Variants in USP42 observed in about 807,000 individuals in gnomAD.
USP42 encodes the protein ubiquitin specific peptidase 42, also known as ubiquitin carboxyl-terminal hydrolase 42.
In USP42, 23 loss-of-function variants were observed where a neutral mutation model predicts 113.0. The observed-to-expected ratio is 0.20, with a 90% CI of 0.15 to 0.29. The LOEUF (loss-of-function observed/expected upper bound fraction) is 0.29, where lower values mean the gene tolerates loss of function less well. Ranked by LOEUF, USP42 falls within the 10% of genes least tolerant of loss-of-function variation. The probability of loss-of-function intolerance (pLI) is 1.00; values close to 1 mark genes in which losing one functional copy is unlikely to be tolerated. For missense variants in USP42, 2,174 were observed against 1,779.8 expected, an observed-to-expected ratio of 1.22 and a Z score of -3.99; for synonymous variants, 933 against 699.0, an observed-to-expected ratio of 1.33 and a Z score of -5.28.
intron 3 of USP42, among the ~76,000 whole-genome samples, chr7:6,127,205 A>T (rs1780589498): frequency 6.6e-6 from 1 of 152,050 alleles, no homozygotes; most frequent in African/African-American, 2.4e-5. Flanking sequence ...AGTTTTGAGG[A>T]TATGTGGTTT....
Position 6,139,385 on chromosome 7 carries a change from C to CT in USP42, c.656+193dup. On this transcript the variant is annotated intron_variant, in intron 5 of 17. Transcript: ENST00000306177. The surrounding 1 kb of genome is among the most constrained non-coding windows in gnomAD (Gnocchi z 4.5). Reference sequence around the variant, plus strand: ...AAATGGTTGAAATTTACACGTGTGTCTTACGTAACAGTTTGAGTTGGCTCA... The same window carrying CT: ...AAATGGTTGAAATTTACACGTGTGTCTTTACGTAACAGTTTGAGTTGGCTCA... 2.1e-6 allele frequency: 1 copy of CT among 473,136 alleles called. No homozygotes were observed. Among genetic ancestry groups the CT allele is most frequent in the East Asian group, 3.5e-5 (1 of 28,286 alleles). The allele number at this position is 473,136 out of a possible 1,614,324, so 29.3% of individuals were successfully genotyped here.
chr7:6,155,248 G>A, intron 15 of USP42, 53 bp downstream of exon 15: 3 of 1,466,772 alleles, frequency 2.0e-6, no homozygotes, highest in Non-Finnish European at 2.7e-6. Context: ...GTCAGCAGTG[G>A]GGCCTGTCCC....
chr7:6,094,409 G>T, the USP42 span, among the ~76,000 whole-genome samples: 2 of 150,830 alleles, frequency 1.3e-5, no homozygotes, highest in African/African-American at 5.0e-5. Flanking sequence ...AGCCTCAAGC[G>T]ATCTTCCTTC....
At chr7:6,097,735 C>A in the USP42 span, among the ~76,000 whole-genome samples, 1 of 149,614 alleles carries the variant, frequency 6.7e-6, no homozygotes, top group Non-Finnish European at 1.5e-5. Flanking sequence ...TGACTACAGG[C>A]GGCCGCCACC....
intron 12 of USP42, 85 bp downstream of exon 12, chr7:6,147,977 T>C: frequency 7.4e-7 from 1 of 1,349,654 alleles, no homozygotes; most frequent in Non-Finnish European, 1.0e-6. Flanking sequence ...TAGTGGTTGC[T>C]GTGTCCTCAA....
At position 6,158,538 on chromosome 7, in the gene USP42, C is replaced by A. The variant is rs1167459390; in HGVS notation, c.3944-912C>A. ...CATTGTTGATTGAGGGGTAAACGGTCCTTAGAGTGTGTGAGAGAGAGCTGG... is the reference window on the plus strand; with the variant it reads ...CATTGTTGATTGAGGGGTAAACGGTACTTAGAGTGTGTGAGAGAGAGCTGG... On this transcript the variant is annotated intron_variant, in intron 16 of 17. Transcript: ENST00000306177. This position sits in a 1 kb window ranked among gnomAD's most constrained non-coding sequence, Gnocchi z 4.2. Among the ~76,000 whole-genome samples the A allele has an allele frequency of 2.0e-5, 3 of 152,158 alleles. No homozygotes were observed. Among genetic ancestry groups the A allele is most frequent in the Non-Finnish European group, 4.4e-5 (3 of 68,032 alleles).
chr7:6,103,709 TG>T (rs1790211871), upstream of USP42, among the ~76,000 whole-genome samples: 1 of 112,994 alleles, frequency 8.9e-6, no homozygotes, highest in Non-Finnish European at 1.6e-5. Context: ...GAAACCAGCC[TG>T]GGCAACATAG....
chr7:6,087,806 G>A, the USP42 span, among the ~76,000 whole-genome samples: 1 of 150,958 alleles, frequency 6.6e-6, no homozygotes, highest in African/African-American at 2.5e-5. Flanking sequence ...AAGTCCCTCT[G>A]TCCCCAGTCC....
In USP42 at chr7:6,118,825, G is replaced by A. The variant is rs574602791; in HGVS notation, c.442+3302G>A. ...TAGACAGAAGAAAAAAAATCAGTAA[G>A]CCATATCAATACGATCTATTTCTGG... is the stretch of plus-strand genomic sequence containing the variant. On this transcript the variant is annotated intron_variant, in intron 3 of 17. Transcript: ENST00000306177. Among the ~76,000 whole-genome samples the A allele has an allele frequency of 1.5e-4, 23 of 152,218 alleles. No homozygotes were observed. In the Middle Eastern group the frequency reaches 0.01, roughly 68 times the overall value.
upstream of USP42, among the ~76,000 whole-genome samples, chr7:6,103,516 CA>C (rs200050634): frequency 5.6e-4 from 76 of 135,794 alleles, no homozygotes; most frequent in Non-Finnish European, 4.4e-4. Context: ...AACTCCGTCT[CA>C]AAAAAAAAAA....
At chr7:6,100,236 A>C (rs1004731420), upstream of USP42, among the ~76,000 whole-genome samples, 4 of 150,728 alleles carry the variant, frequency 2.7e-5, no homozygotes, top group Non-Finnish European at 5.9e-5. Context: ...CCTTCTACTC[A>C]TATCCAGCCC....
In USP42 at chr7:6,157,956, G is replaced by T. The variant is rs1051975805; in HGVS notation, c.3943+901G>T. 2.6e-5 allele frequency among the ~76,000 whole-genome samples: 4 copies of T among 152,302 alleles called. No individual in the cohort carries two copies. Among genetic ancestry groups the T allele is most frequent in the South Asian group, 2.1e-4 (1 of 4,826 alleles). ...TGGTGTCCGGTGACCGCTCACCCTC[G>T]AGAGGAGCTGTGAGCCTGTTAGAAG... is the stretch of plus-strand genomic sequence containing the variant. On this transcript the variant is annotated intron_variant, in intron 16 of 17. Coordinates refer to ENST00000306177, the MANE Select transcript of USP42 (RefSeq NM_032172.3). The surrounding 1 kb of genome is among the most constrained non-coding windows in gnomAD (Gnocchi z 4.1).
chr7:6,155,384 T>G (rs1184107398), intron 15 of USP42, among the ~76,000 whole-genome samples, 189 bp downstream of exon 15: 2 of 152,234 alleles, frequency 1.3e-5, no homozygotes, highest in Non-Finnish European at 2.9e-5. Context: ...TTGCCCTGCT[T>G]TGAAGCTGTA....
intron 3 of USP42, among the ~76,000 whole-genome samples, chr7:6,131,041 C>T (rs1477983259): frequency 1.3e-5 from 2 of 151,966 alleles, no homozygotes; most frequent in African/African-American, 4.8e-5. Flanking sequence ...AGTTTTGCCT[C>T]CTGGGGTGCA....
chr7:6,153,311 A>C (rs1782182313), intron 14 of USP42, among the ~76,000 whole-genome samples: 1 of 151,960 alleles, frequency 6.6e-6, no homozygotes, highest in Non-Finnish European at 1.5e-5. Context: ...ACAAAAAAAA[A>C]AAATAGAGGA....
At chr7:6,091,980 T>TCTC in the USP42 span, among the ~76,000 whole-genome samples, 333 of 24,752 alleles carry the variant, frequency 0.013, 32 homozygotes, top group African/African-American at 0.039. Flanking sequence ...ACGTATTTTT[T>TCTC]CTTCTTCTTC....
intron 14 of USP42, among the ~76,000 whole-genome samples, chr7:6,152,406 G>T (rs966761513): frequency 1.3e-5 from 2 of 152,234 alleles, no homozygotes; most frequent in Non-Finnish European, 2.9e-5. Flanking sequence ...TGACACACCC[G>T]TAGTTTTTAC....
chr7:6,123,625 T>C (rs995771355), intron 3 of USP42, among the ~76,000 whole-genome samples: 4 of 151,984 alleles, frequency 2.6e-5, no homozygotes, highest in African/African-American at 9.7e-5. Flanking sequence ...ATCGCGCCAC[T>C]GCACTCCAGC....
chr7:6,115,711 A>G (rs887797372), intron 3 of USP42, among the ~76,000 whole-genome samples, 188 bp downstream of exon 3: 6 of 152,194 alleles, frequency 3.9e-5, no homozygotes, highest in Admixed American at 1.3e-4. Flanking sequence ...TTTTGCACCT[A>G]ATTAGACCTG....
Sources: gnomAD v4.1 joint callset for allele counts (sites outside exome capture counted in the v4.1 genomes callset) on GRCh38, gnomAD v4.1.1 for gene constraint, Gnocchi (gnomAD v3.1) non-coding constraint, MANE v1.5 for transcripts, NCBI Gene and HGNC (gene_info 2026-07-23, HGNC 2026-07-21) for gene names.